Variants in ANKRD11 observed in about 807,000 individuals in gnomAD.
The protein encoded by ANKRD11 is ankyrin repeat domain-containing protein 11.
In ANKRD11, 17 loss-of-function variants were observed where a neutral mutation model predicts 195.7. The observed-to-expected ratio is 0.09, with a 90% CI of 0.06 to 0.13. The LOEUF (loss-of-function observed/expected upper bound fraction) is 0.13. ANKRD11 is among the 10% of genes least tolerant of loss of function. ANKRD11 has a pLI of 1.00. For synonymous variants in ANKRD11, 1,953 were observed against 1,528.1 expected (o/e 1.28, Z -6.49); for missense variants, 3,735 against 3,566.1 (o/e 1.05, Z -1.21).
chr16:89,328,750 G>A (rs1273511250), intron 2 of ANKRD11, among the ~76,000 whole-genome samples: 3 of 136,470 alleles, frequency 2.2e-5, no homozygotes, highest in Non-Finnish European at 3.1e-5. Flanking sequence ...GAGCACGGGC[G>A]AAATCAGCGG....
intron 4 of ANKRD11, among the ~76,000 whole-genome samples, chr16:89,295,621 G>A (rs1396221849): frequency 6.6e-6 from 1 of 152,164 alleles, no homozygotes; most frequent in Non-Finnish European, 1.5e-5. Context: ...TTTGGGAGCT[G>A]GAGCCCACTT....
In ANKRD11 at chr16:89,285,930, C is replaced by A; in HGVS notation, c.892+109G>T. 2 of 1,560,976 alleles carry A rather than the reference C, an allele frequency of 1.3e-6. No individual in the cohort carries two copies. Among genetic ancestry groups the A allele is most frequent in the Non-Finnish European group, 1.8e-6 (2 of 1,140,992 alleles). On this transcript the variant is annotated intron_variant, in intron 8 of 12. Coordinates refer to ENST00000301030, the MANE Select transcript of ANKRD11 (RefSeq NM_013275.6). The surrounding 1 kb of genome is among the most constrained non-coding windows in gnomAD (Gnocchi z 5.6). Reference sequence around the variant, plus strand: ...CAGTCCAGAAGCTCCTGTAAGCCCCCAGCATCCGAGGAGGAGCTGATCAGA... The same window carrying A: ...CAGTCCAGAAGCTCCTGTAAGCCCCAAGCATCCGAGGAGGAGCTGATCAGA...
chr16:89,388,790 T>C (rs1372014203), intron 2 of ANKRD11, among the ~76,000 whole-genome samples: 1 of 152,116 alleles, frequency 6.6e-6, no homozygotes, highest in African/African-American at 2.4e-5. Context: ...TCCGCAGCCC[T>C]GGGAAGAAGG....
chr16:89,282,230 A>G lies in ANKRD11; in HGVS notation c.4312T>C (p.Ser1438Pro), dbSNP rs763093839. The G allele has an allele frequency of 1.9e-6, 3 of 1,613,172 alleles. No homozygotes were observed. The highest frequency in any genetic ancestry group is 2.2e-5 in the South Asian group (2 of 91,052). Residue 1438 changes from serine to proline, a missense_variant, in exon 9 of 13, where the codon TCC becomes CCC. Ser to Pro is a moderately conservative substitution (Grantham distance 74). Transcript: ENST00000301030. ...TTTAGTTCCTTTTCTATTTTCTTGG[A>G]AGGTTCTCTCTCGGAATCATTTTTA... The part of the protein sequence containing the change: ...KDKNDSEREP[S>P]KKIEKELKPY...
intron 2 of ANKRD11, among the ~76,000 whole-genome samples, chr16:89,362,792 T>C (rs553568198): frequency 6.6e-6 from 1 of 152,292 alleles, no homozygotes; most frequent in East Asian, 1.9e-4. Context: ...TCTTCCTTAG[T>C]TGAAGGTGTT....
rs1044402518 is a variant in ANKRD11, at chr16:89,406,878, A to G, written c.-60+11406T>C. ...AGGAAAAGGGAACAGGAGACAAATC[A>G]GCAACATTAAGAACATCAGGCCGGA... On this transcript the variant is annotated intron_variant, in intron 2 of 12. Coordinates refer to ENST00000301030, the MANE Select transcript of ANKRD11 (RefSeq NM_013275.6). Among the ~76,000 whole-genome samples the G allele has an allele frequency of 2.6e-5, 4 of 152,336 alleles. No homozygotes were observed. The East Asian group carries it at 7.7e-4, about 29-fold the overall frequency.
chr16:89,301,619 G>A (rs1030526983), intron 4 of ANKRD11: 10 of 398,656 alleles, frequency 2.5e-5, no homozygotes, highest in African/African-American at 6.2e-5. Context: ...GTCCTAGGAC[G>A]GGCTCTTGCC....
intron 1 of ANKRD11, among the ~76,000 whole-genome samples, chr16:89,424,627 C>A (rs1330199212): frequency 1.3e-5 from 2 of 151,996 alleles, no homozygotes; most frequent in African/African-American, 4.8e-5. Flanking sequence ...AGCAAAAAGG[C>A]CAATCGAAAA....
intron 3 of ANKRD11, among the ~76,000 whole-genome samples, chr16:89,314,212 C>A (rs1416694660): frequency 6.6e-6 from 1 of 152,014 alleles, no homozygotes; most frequent in African/African-American, 2.4e-5. Context: ...TGAGACTCTA[C>A]CACTGCACTC....
At chr16:89,295,965 T>TGTC (rs2063439791) in intron 4 of ANKRD11, among the ~76,000 whole-genome samples, 1 of 133,084 alleles carries the variant, frequency 7.5e-6, no homozygotes, top group African/African-American at 2.8e-5. Context: ...CTGCAGGGAG[T>TGTC]GTCTTCTCTA....
intron 4 of ANKRD11, among the ~76,000 whole-genome samples, chr16:89,293,181 A>AG (rs145624752): frequency 0.018 from 2,746 of 152,256 alleles, 77 homozygotes; most frequent in African/African-American, 0.063. Context: ...CACCCAGAGC[A>AG]GGGGGGTTAA....
At chr16:89,321,478 C>T (rs1043680091) in intron 2 of ANKRD11, among the ~76,000 whole-genome samples, 1 of 145,834 alleles carries the variant, frequency 6.9e-6, no homozygotes, top group Non-Finnish European at 1.5e-5. Flanking sequence ...GACTGTGGGG[C>T]CGGGTGGGGA....
At position 89,321,820 on chromosome 16, in the gene ANKRD11, G is replaced by A. The variant is rs937388074; in HGVS notation, c.-59-4742C>T. ...TTGCACTGCGTGGGTTCACTTACAC[G>A]CAGATTTTCTTCCACCTCTGCCTCT... On this transcript the variant is annotated intron_variant, in intron 2 of 12. Transcript: ENST00000301030. 4.6e-5 allele frequency among the ~76,000 whole-genome samples: 7 copies of A among 152,234 alleles called. 1 individual carries two copies. The Middle Eastern group carries it at 0.017, about 370-fold the overall frequency.
intron 2 of ANKRD11, chr16:89,324,278 G>A (rs140280967): frequency 5.6e-6 from 7 of 1,248,058 alleles, no homozygotes; most frequent in Admixed American, 2.5e-5. Flanking sequence ...CAGGAGCCCC[G>A]TGCTCCGGAA....
chr16:89,388,006 C>A (rs2040998852), intron 2 of ANKRD11, among the ~76,000 whole-genome samples: 1 of 148,326 alleles, frequency 6.7e-6, no homozygotes, highest in South Asian at 2.1e-4. Context: ...GAGCAAGACT[C>A]CATCTCAAAA....
chr16:89,402,845 G>A (rs1462124614), intron 2 of ANKRD11, among the ~76,000 whole-genome samples: 3 of 150,990 alleles, frequency 2.0e-5, no homozygotes, highest in Non-Finnish European at 3.0e-5. Flanking sequence ...GGGAGGAGGT[G>A]GGCGGGGTGG....
chr16:89,281,368 G>C lies in ANKRD11; in HGVS notation c.5174C>G (p.Pro1725Arg). The C allele has an allele frequency of 6.2e-7, 1 of 1,610,128 alleles. No individual in the cohort carries two copies. Among genetic ancestry groups the C allele is most frequent in the East Asian group, 2.2e-5 (1 of 44,794 alleles). Reference sequence around the variant, plus strand: ...CGCGTAGTCATCGGCGCTGCAGGACGGGGTCCTGGGCGTGTGCATCACCTC... The same window carrying C: ...CGCGTAGTCATCGGCGCTGCAGGACCGGGTCCTGGGCGTGTGCATCACCTC... ...YEEVMHTPRT[P>R]SCSADDYADL... is the part of the protein sequence containing the mutation. The change falls in exon 9 of 13, where the codon CCG becomes CGG. Residue 1725 changes from proline to arginine, a missense_variant. Coordinates refer to ENST00000301030, the MANE Select transcript of ANKRD11 (RefSeq NM_013275.6). The surrounding 1 kb of genome is among the most constrained non-coding windows in gnomAD (Gnocchi z 5.5).
At chr16:89,396,413 C>T (rs1401876873) in intron 2 of ANKRD11, among the ~76,000 whole-genome samples, 1 of 152,212 alleles carries the variant, frequency 6.6e-6, no homozygotes, top group African/African-American at 2.4e-5. Flanking sequence ...AGCCCTGAGA[C>T]TCCCCTGCTG....
intron 4 of ANKRD11, among the ~76,000 whole-genome samples, chr16:89,294,578 G>C (rs1421920828): frequency 6.6e-6 from 1 of 152,168 alleles, no homozygotes; most frequent in Non-Finnish European, 1.5e-5. Context: ...GGCTTCTGGG[G>C]TAGAGGGAAA....
Sources: gnomAD v4.1 joint callset for allele counts (sites outside exome capture counted in the v4.1 genomes callset) on GRCh38, gnomAD v4.1.1 for gene constraint, Gnocchi (gnomAD v3.1) non-coding constraint, MANE v1.5 for transcripts, NCBI Gene and HGNC (gene_info 2026-07-23, HGNC 2026-07-21) for gene names.